ARHGEF12: variants seen among roughly 807,000 people sequenced by gnomAD.
ARHGEF12 encodes the protein KMT2A/ARHGEF12 fusion protein.
A neutral mutation model predicts 211.2 loss-of-function variants in ARHGEF12; 66 were observed. The observed-to-expected ratio is 0.31, with a 90% CI of 0.26 to 0.38. The LOEUF (loss-of-function observed/expected upper bound fraction) is 0.38, where lower values mean the gene tolerates loss of function less well. ARHGEF12 is among the 10% of genes least tolerant of loss of function. The pLI is 1.00. For missense variants in ARHGEF12, 1,429 were observed against 1,869.5 expected (o/e 0.76, Z 4.34); for synonymous variants, 592 against 638.4 (o/e 0.93, Z 1.09).
chr11:120,396,111 A>C (rs944765927), intron 1 of ARHGEF12, among the ~76,000 whole-genome samples: 2 of 152,190 alleles, frequency 1.3e-5, no homozygotes, highest in Non-Finnish European at 2.9e-5. Context: ...GAAAGTGCCC[A>C]AACAGAAGGG....
intron 22 of ARHGEF12, among the ~76,000 whole-genome samples, chr11:120,453,424 C>G (rs1445960412): frequency 1.3e-5 from 2 of 151,822 alleles, no homozygotes; most frequent in Admixed American, 6.6e-5. Flanking sequence ...TGAAAGCAGA[C>G]AAGAGTGTAA....
intron 1 of ARHGEF12, among the ~76,000 whole-genome samples, chr11:120,397,978 A>G (rs983548246): frequency 1.4e-4 from 21 of 152,152 alleles, no homozygotes; most frequent in Admixed American, 3.9e-4. Flanking sequence ...TTTGTTTACT[A>G]TTTTGTCTTT....
At position 120,431,847 on chromosome 11, in the gene ARHGEF12, A is replaced by C; in HGVS notation, c.860A>C (p.Asp287Ala). ...AGTGAGGCAGAAACAGATCCTGGAG[A>C]TGTACTGGGCAGGACTGACTGTAGC... ...TVSEAETDPG[D>A]VLGRTDCSSG... The change falls in exon 11 of 41, where the codon GAT becomes GCT. Residue 287 changes from aspartate (D) to alanine (A), a missense_variant. Physicochemically the swap from Asp to Ala is moderately radical, Grantham distance 126 (BLOSUM62 -2). Coordinates refer to ENST00000397843, the MANE Select transcript of ARHGEF12 (RefSeq NM_015313.3). The C allele has an allele frequency of 6.2e-7, 1 of 1,613,972 alleles. No homozygotes were observed. Among genetic ancestry groups the C allele is most frequent in the East Asian group, 2.2e-5 (1 of 44,872 alleles).
chr11:120,423,638 A>G (rs1464006826), intron 6 of ARHGEF12, among the ~76,000 whole-genome samples: 1 of 152,082 alleles, frequency 6.6e-6, no homozygotes, highest in Non-Finnish European at 1.5e-5. Context: ...GTAATGTATA[A>G]TGTTTATGTG....
chr11:120,440,170 A>C lies in ARHGEF12; in HGVS notation c.1041A>C (p.Ala347=). ...SLVGSPSTRI[A]PHIIGAEDDD... is the part of the protein sequence containing the mutation. ...TCGGAAGTCCCTCAACCCGTATAGC[A>C]CCTCATATTATTGGAGCAGAAGATG... Residue 347 remains alanine (A), a synonymous_variant, in exon 13 of 41, where the codon GCA becomes GCC. Coordinates refer to ENST00000397843, the MANE Select transcript of ARHGEF12 (RefSeq NM_015313.3). 1 of 1,613,870 alleles carries C rather than the reference A, an allele frequency of 6.2e-7. No individual in the cohort carries two copies. Among genetic ancestry groups the C allele is most frequent in the East Asian group, 2.2e-5 (1 of 44,864 alleles).
chr11:120,478,131 C>A, intron 36 of ARHGEF12, 25 bp from the exon 37 acceptor site: 2 of 1,512,360 alleles, frequency 1.3e-6, no homozygotes, highest in South Asian at 1.1e-5. Context: ...TAGATATAGT[C>A]TACCTTTTCT....
Position 120,463,241 on chromosome 11 carries a change from A to G in ARHGEF12, c.2614-1996A>G, listed in dbSNP as rs532265100. On this transcript the variant is annotated intron_variant, in intron 27 of 40. Coordinates refer to ENST00000397843, the MANE Select transcript of ARHGEF12 (RefSeq NM_015313.3). ...CTTAAACTGCTTGTAAAACTACTGT[A>G]GAGGCCGGGCGCAGTGGCTCATGCC... The G allele has an allele frequency of 2.0e-5, 3 of 152,318 alleles. No homozygotes were observed. The South Asian group carries it at 6.2e-4, about 32-fold the overall frequency. 9.4% of individuals were successfully genotyped at this position (152,318 alleles called of 1,614,324 possible). A position where few individuals can be genotyped will look rare whatever the true frequency, so the allele number is the denominator to read the frequency against.
intron 1 of ARHGEF12, among the ~76,000 whole-genome samples, chr11:120,389,009 G>T (rs527806264): frequency 2.9e-4 from 44 of 151,512 alleles, no homozygotes; most frequent in African/African-American, 1.0e-3. Flanking sequence ...ATTACAGGTG[G>T]CCACCACCAT....
chr11:120,339,157 G>C (rs1293834487), intron 1 of ARHGEF12, among the ~76,000 whole-genome samples: 1 of 151,272 alleles, frequency 6.6e-6, no homozygotes, highest in East Asian at 1.9e-4. Context: ...TTTTTTTAAA[G>C]AAAAGACCTT....
intron 36 of ARHGEF12, chr11:120,477,776 A>T: frequency 2.6e-6 from 1 of 382,710 alleles, no homozygotes; most frequent in Non-Finnish European, 4.6e-6. Flanking sequence ...TGAGGCAGGG[A>T]GAATTGCTTG....
At position 120,428,209 on chromosome 11, in the gene ARHGEF12, G is replaced by T. The variant is rs748729414; in HGVS notation, c.547G>T (p.Gly183Trp). The T allele has an allele frequency of 6.2e-7, 1 of 1,610,822 alleles. No individual in the cohort carries two copies. The highest frequency in any genetic ancestry group is 2.2e-5 in the East Asian group (1 of 44,806). Residue 183 changes from glycine to tryptophan, a missense_variant, in exon 8 of 41, where the codon GGG becomes TGG. By Grantham distance (184) the Gly-to-Trp change is radical (BLOSUM62 -2). Coordinates refer to ENST00000397843, the MANE Select transcript of ARHGEF12 (RefSeq NM_015313.3). Reference protein sequence around the residue: ...MTSPHSPGASGNMERITSPVL... With the variant: ...MTSPHSPGASWNMERITSPVL... ...ATCTCCTCATTCACCTGGAGCATCT[G>T]GGAATATGGAGAGAATCACTAGTCC...
At chr11:120,425,264 AC>A (rs1418755285) in intron 7 of ARHGEF12, among the ~76,000 whole-genome samples, 1 of 151,744 alleles carries the variant, frequency 6.6e-6, no homozygotes, top group East Asian at 1.9e-4. Context: ...ATCTTCCCCA[AC>A]CTGGGCTTTG....
chr11:120,336,529 G>A lies in ARHGEF12; in HGVS notation c.-715G>A, dbSNP rs1942352180. Among the ~76,000 whole-genome samples the A allele has an allele frequency of 6.6e-6, 1 of 151,988 alleles. No individual in the cohort carries two copies. Among genetic ancestry groups the A allele is most frequent in the African/African-American group, 2.4e-5 (1 of 41,432 alleles). Reference sequence around the variant, plus strand: ...GCCCCTCGCGGGGAGCGTCGGGGAGGAGCCGCCGCCTCTGGCGATTGCGGA... The same window carrying A: ...GCCCCTCGCGGGGAGCGTCGGGGAGAAGCCGCCGCCTCTGGCGATTGCGGA... On this transcript the variant is annotated 5_prime_UTR_variant, in exon 1 of 41. Coordinates refer to ENST00000397843, the MANE Select transcript of ARHGEF12 (RefSeq NM_015313.3).
chr11:120,462,183 G>C (rs749013607), intron 27 of ARHGEF12, among the ~76,000 whole-genome samples: 32 of 152,036 alleles, frequency 2.1e-4, no homozygotes, highest in Non-Finnish European at 4.1e-4. Context: ...CTCCTCACTT[G>C]AACCCCTAAA....
rs935451749 is a variant in ARHGEF12 at position 120,488,881 on chromosome 11, G to C, written c.*3804G>C. 1 of 214,992 alleles carries C rather than the reference G, an allele frequency of 4.7e-6. No individual in the cohort carries two copies. The highest frequency in any genetic ancestry group is 9.4e-6 in the Non-Finnish European group (1 of 106,446). 13.3% of individuals were successfully genotyped at this position (214,992 alleles called of 1,614,324 possible). On this transcript the variant is annotated 3_prime_UTR_variant, in exon 41 of 41. Transcript: ENST00000397843. ...AAGACTTTATTGTTCTAATTATCCA[G>C]ATGTACCTTTGTAAAATAGCTCTTT...
chr11:120,405,233 G>C (rs1315350768), intron 1 of ARHGEF12, among the ~76,000 whole-genome samples: 2 of 152,048 alleles, frequency 1.3e-5, no homozygotes, highest in Admixed American at 6.6e-5. Flanking sequence ...TCTTAATAAA[G>C]TACGGTTCCT....
At chr11:120,474,053 A>G (rs543988673) in intron 31 of ARHGEF12, among the ~76,000 whole-genome samples, 344 of 152,334 alleles carry the variant, frequency 2.3e-3, no homozygotes, top group Middle Eastern at 0.01. Flanking sequence ...AGCTGCTAAT[A>G]CTAAAAGATG....
At chr11:120,411,804 A>T (rs1383547029) in intron 4 of ARHGEF12, 2 of 149,780 alleles carry the variant, frequency 1.3e-5, no homozygotes, top group Non-Finnish European at 3.0e-5. Context: ...TGTTGAAGGA[A>T]TGATTTGCCA....
chr11:120,469,559 G>A (rs980656486), intron 30 of ARHGEF12, among the ~76,000 whole-genome samples, 171 bp downstream of exon 30: 4 of 152,104 alleles, frequency 2.6e-5, no homozygotes, highest in Admixed American at 6.5e-5. Flanking sequence ...ATAGAATATC[G>A]GAGTTGTATT....
Sources: allele counts gnomAD v4.1 joint callset (sites outside exome capture counted in the v4.1 genomes callset), GRCh38; gene constraint gnomAD v4.1.1; transcripts MANE v1.5; gene names NCBI Gene and HGNC (gene_info 2026-07-23, HGNC 2026-07-21).